The following SGCD variants were observed in gnomAD, a reference collection of about 807,000 sequenced individuals.
SGCD encodes sarcoglycan delta, also known as delta-sarcoglycan.
Under a neutral mutation model 36.6 loss-of-function variants are expected in SGCD, and 18 were observed. The ratio of observed to expected loss-of-function variants is 0.49; its 90% CI spans 0.34 to 0.73. The LOEUF is 0.73. Ranked by LOEUF, SGCD falls within the 30% of genes least tolerant of loss-of-function variation. The probability of loss-of-function intolerance (pLI) is 0.01; values close to 1 mark genes in which losing one functional copy is unlikely to be tolerated. For missense variants in SGCD, 387 were observed against 346.7 expected, an observed-to-expected ratio of 1.12 and a Z score of -0.92; for synonymous variants, 133 against 130.6, an observed-to-expected ratio of 1.02 and a Z score of -0.12.
chr5:156,556,446 C>A (rs1173120804), intron 4 of SGCD, among the ~76,000 whole-genome samples: 2 of 152,160 alleles, frequency 1.3e-5, no homozygotes, highest in Non-Finnish European at 2.9e-5. Flanking sequence ...CCTCCCTCCA[C>A]TCTATCCTTT....
intron 6 of SGCD, among the ~76,000 whole-genome samples, chr5:156,609,590 C>T (rs1581250014): frequency 6.6e-6 from 1 of 152,174 alleles, no homozygotes; most frequent in Non-Finnish European, 1.5e-5. Flanking sequence ...GAATGTTGGC[C>T]TGCCTTGCTA....
At chr5:155,792,117 A>G in the SGCD span, among the ~76,000 whole-genome samples, 1 of 152,136 alleles carries the variant, frequency 6.6e-6, no homozygotes, top group African/African-American at 2.4e-5. Flanking sequence ...ATCTACAACT[A>G]TCTGTTATTC....
At chr5:156,653,493 C>CTTTTTTTGTTTTTTTTTTTTTTTTTT (rs1763546372) in intron 7 of SGCD, among the ~76,000 whole-genome samples, 2 of 48,082 alleles carry the variant, frequency 4.2e-5, no homozygotes, top group African/African-American at 6.4e-5. Context: ...CTAAAGCTTG[C>CTTTTTTTGTTTTTTTTTTTTTTTTTT]TTTTTTTTTT....
chr5:155,765,443 T>TGAGA, the SGCD span, among the ~76,000 whole-genome samples: 1 of 29,234 alleles, frequency 3.4e-5, no homozygotes, highest in African/African-American at 1.3e-4. Flanking sequence ...GGAGGGAGGG[T>TGAGA]GGGAGGGAGG....
chr5:155,851,407 T>G, the SGCD span, among the ~76,000 whole-genome samples: 3 of 151,886 alleles, frequency 2.0e-5, no homozygotes, highest in African/African-American at 7.3e-5. Context: ...CATCTTGGTG[T>G]TTTTTTTGTT....
intron 3 of SGCD, among the ~76,000 whole-genome samples, chr5:156,285,446 A>G (rs1190623527): frequency 6.6e-6 from 1 of 152,140 alleles, no homozygotes; most frequent in Non-Finnish European, 1.5e-5. Context: ...ACAGTAACCA[A>G]AACAGCATGG....
intron 1 of SGCD, among the ~76,000 whole-genome samples, chr5:156,071,865 A>T (rs957187526): frequency 1.3e-5 from 2 of 152,098 alleles, no homozygotes; most frequent in African/African-American, 4.8e-5. Context: ...TGTTGAATTG[A>T]TCCCTTTACC....
intron 3 of SGCD, among the ~76,000 whole-genome samples, chr5:156,447,532 G>T (rs1295270151): frequency 6.6e-6 from 1 of 152,034 alleles, no homozygotes; most frequent in Admixed American, 6.6e-5. Flanking sequence ...GGAAACCTAG[G>T]TGTTTAAAAA....
At chr5:156,630,206 T>C (rs1002738291) in intron 6 of SGCD, among the ~76,000 whole-genome samples, 1 of 152,100 alleles carries the variant, frequency 6.6e-6, no homozygotes, top group African/African-American at 2.4e-5. Context: ...TGATAGCAAA[T>C]ACAAATGCCA....
chr5:156,508,527 G>T, intron 3 of SGCD, 74 bp from the exon 4 acceptor site: 4 of 830,492 alleles, frequency 4.8e-6, no homozygotes, highest in Non-Finnish European at 7.9e-6. Context: ...CTATAACTAC[G>T]TTTTTTACAG....
intron 4 of SGCD, among the ~76,000 whole-genome samples, chr5:156,515,269 A>G (rs1404994810): frequency 6.6e-6 from 1 of 152,184 alleles, no homozygotes; most frequent in Admixed American, 6.5e-5. Context: ...AAAAATGTTT[A>G]TACACTCTGA....
At chr5:156,572,704 C>T (rs1331996019) in intron 4 of SGCD, among the ~76,000 whole-genome samples, 13 of 152,256 alleles carry the variant, frequency 8.5e-5, no homozygotes, top group African/African-American at 3.1e-4. Context: ...GAGATATTCT[C>T]TTTGTGGGAC....
chr5:155,853,394 GA>G, the SGCD span, among the ~76,000 whole-genome samples: 9 of 148,096 alleles, frequency 6.1e-5, no homozygotes, highest in South Asian at 2.1e-4. Flanking sequence ...TTGTCAGTTA[GA>G]AAAAAAAAAT....
At chr5:155,850,105 C>T in the SGCD span, among the ~76,000 whole-genome samples, 1 of 136,120 alleles carries the variant, frequency 7.3e-6, no homozygotes, top group African/African-American at 2.4e-5. Flanking sequence ...TGATTAAGTA[C>T]CTTGTTTCTC....
chr5:156,470,590 G>A (rs1754917671), intron 3 of SGCD, among the ~76,000 whole-genome samples: 1 of 151,340 alleles, frequency 6.6e-6, no homozygotes, highest in Non-Finnish European at 1.5e-5. Flanking sequence ...GAGAACATGT[G>A]GTGTTTGGTT....
At chr5:156,484,954 C>T (rs778328420) in intron 3 of SGCD, among the ~76,000 whole-genome samples, 1 of 151,846 alleles carries the variant, frequency 6.6e-6, no homozygotes, top group Non-Finnish European at 1.5e-5. Flanking sequence ...GGATTTGAGC[C>T]AAAATTGAAA....
intron 7 of SGCD, among the ~76,000 whole-genome samples, chr5:156,693,286 C>T (rs573118597): frequency 2.9e-4 from 44 of 152,214 alleles, no homozygotes; most frequent in Middle Eastern, 3.4e-3. Flanking sequence ...TGGAGGGAAA[C>T]AAGTAAGTTT....
At chr5:155,971,945 T>C (rs1208508695) in intron 1 of SGCD, among the ~76,000 whole-genome samples, 1 of 152,162 alleles carries the variant, frequency 6.6e-6, no homozygotes, top group East Asian at 1.9e-4. Flanking sequence ...CTCAATCTTA[T>C]TTAAAAAGCA....
intron 4 of SGCD, among the ~76,000 whole-genome samples, chr5:156,553,982 C>T (rs989301628): frequency 5.3e-5 from 8 of 152,120 alleles, no homozygotes; most frequent in Non-Finnish European, 1.0e-4. Context: ...AGTCGTCCCC[C>T]TTAATCCGTG....
Sources: gnomAD v4.1 joint callset for allele counts (sites outside exome capture counted in the v4.1 genomes callset) on GRCh38, gnomAD v4.1.1 for gene constraint, MANE v1.5 for transcripts, NCBI Gene and HGNC (gene_info 2026-07-23, HGNC 2026-07-21) for gene names.